Variants in MYO19 observed in about 807,000 individuals in gnomAD.
MYO19 encodes the protein unconventional myosin-XIX.
MYO19 carries 132 observed loss-of-function variants against 129.2 expected under a neutral mutation model. The ratio of observed to expected loss-of-function variants is 1.02; its 90% confidence interval spans 0.89 to 1.18. The LOEUF (loss-of-function observed/expected upper bound fraction) is 1.18, where lower values mean the gene tolerates loss of function less well. MYO19 is among the 50% of genes most tolerant of loss of function. The probability of loss-of-function intolerance (pLI) is 0.00; values close to 1 mark genes in which losing one functional copy is unlikely to be tolerated. For missense variants in MYO19, 1,210 were observed against 1,216.7 expected (o/e 0.99, Z 0.08); for synonymous variants, 531 against 477.2 (o/e 1.11, Z -1.47).
chr17:36,506,715 G>A, intron 17 of MYO19, 107 bp from the exon 18 acceptor site: 3 of 1,347,342 alleles, frequency 2.2e-6, no homozygotes, highest in Non-Finnish European at 2.0e-6. Context: ...GTAGGACAGG[G>A]CCTGAGTCCA....
At position 36,503,975 on chromosome 17, in the gene MYO19, TATGG is replaced by T. The variant is rs1335766404; in HGVS notation, c.1947_1950del (p.His650SerfsTer16). 6.3e-7 allele frequency: 1 copy of T among 1,592,640 alleles called. No homozygotes were observed. Among genetic ancestry groups the T allele is most frequent in the Non-Finnish European group, 8.5e-7 (1 of 1,170,846 alleles). On this transcript the variant is annotated frameshift_variant, in exon 20 of 26. Coordinates refer to ENST00000614623, the MANE Select transcript of MYO19 (RefSeq NM_001163735.2). LOFTEE classifies it high-confidence loss of function. ...CGGATGGGGAAGCCAGCAGCACTGATATGGATGGTCTCCACGAGGCCACAGGCCT... is the reference window on the plus strand; with the variant it reads ...CGGATGGGGAAGCCAGCAGCACTGATATGGTCTCCACGAGGCCACAGGCCT...
At chr17:36,499,859 G>GTTTTTTT (rs1173634479) in intron 23 of MYO19, 1 of 115,620 alleles carries the variant, frequency 8.6e-6, no homozygotes, top group African/African-American at 2.8e-5. Context: ...ATTATGTTTT[G>GTTTTTTT]TTGTTTTTTT....
chr17:36,526,353 C>T (rs1157982802), intron 5 of MYO19, among the ~76,000 whole-genome samples: 1 of 152,142 alleles, frequency 6.6e-6, no homozygotes, highest in Non-Finnish European at 1.5e-5. Flanking sequence ...TTCCTGCTCT[C>T]ATCTACTCCC....
intron 2 of MYO19, chr17:36,533,334 C>A (rs1468672256): frequency 1.3e-5 from 2 of 152,224 alleles, no homozygotes; most frequent in African/African-American, 2.4e-5. Context: ...ATCAGGTGAA[C>A]GGTCCAGTGT....
At chr17:36,532,181 C>G (rs143592885) in intron 3 of MYO19, among the ~76,000 whole-genome samples, 4 of 152,194 alleles carry the variant, frequency 2.6e-5, no homozygotes, top group Non-Finnish European at 5.9e-5. Context: ...TAAGGCTTAG[C>G]TTCAAGGAAC....
rs779935312 is a variant in MYO19, at chr17:36,499,139, C to T, written c.2399G>A (p.Arg800Gln). The change falls in exon 24 of 26, where the codon CGG (arginine) becomes CAG (glutamine). Residue 800 changes from arginine to glutamine, a missense_variant. By Grantham distance (43) the Arg-to-Gln change is conservative (BLOSUM62 1). Coordinates refer to ENST00000614623, the MANE Select transcript of MYO19 (RefSeq NM_001163735.2). ...IQAAIRSWLTRKHIQRLHAAA... is the reference protein window; with the variant it reads ...IQAAIRSWLTQKHIQRLHAAA... ...TGCATGCAGCCTCTGGATGTGTTTC[C>T]GAGTTAACCAGGAACGAATGGCTAA... 23 of 1,608,068 alleles carry T rather than the reference C, an allele frequency of 1.4e-5. No individual in the cohort carries two copies. In the African/African-American group the frequency reaches 2.0e-4, roughly 14 times the overall value.
intron 6 of MYO19, among the ~76,000 whole-genome samples, chr17:36,523,990 T>C (rs1244630718): frequency 2.0e-5 from 3 of 152,218 alleles, no homozygotes; most frequent in Non-Finnish European, 4.4e-5. Flanking sequence ...TTACTATTTA[T>C]TAAAAATAAA....
Position 36,532,683 on chromosome 17 carries a change from T to C in MYO19, c.-143-2A>G. The C allele has an allele frequency of 1.0e-6, 1 of 964,070 alleles. No individual in the cohort carries two copies. The highest frequency in any genetic ancestry group is 1.6e-5 in the African/African-American group (1 of 61,522). 59.7% of individuals were successfully genotyped at this position (964,070 alleles called of 1,614,324 possible). ...ATCTCAGACAAGTCACTCCAGCGCCTGTGGCATGAGAGAGAAGACAAGGAC... is the reference window on the plus strand; with the variant it reads ...ATCTCAGACAAGTCACTCCAGCGCCCGTGGCATGAGAGAGAAGACAAGGAC... On this transcript the variant is annotated splice_acceptor_variant, in intron 2 of 25. Transcript: ENST00000614623. LOFTEE classifies it low-confidence loss of function (5UTR_SPLICE).
chr17:36,536,978 T>TA, upstream of MYO19: 2 of 852,292 alleles, frequency 2.3e-6, no homozygotes, highest in Non-Finnish European at 3.6e-6. Flanking sequence ...GTGAACTCAT[T>TA]AGGGCCCAAA....
At chr17:36,522,344 C>T (rs1208673322) in intron 6 of MYO19, among the ~76,000 whole-genome samples, 1 of 149,616 alleles carries the variant, frequency 6.7e-6, no homozygotes, top group East Asian at 2.0e-4. Context: ...TCCGTCTCTA[C>T]TAAAAATACA....
upstream of MYO19, chr17:36,538,402 T>G: frequency 6.2e-7 from 1 of 1,614,150 alleles, no homozygotes; most frequent in Non-Finnish European, 8.5e-7. Flanking sequence ...GCCGAAAGAA[T>G]GGAACCCAGT....
rs375750747 is a variant in MYO19 at position 36,527,704 on chromosome 17, G to A, written c.152-5C>T. 2 of 1,606,880 alleles carry A rather than the reference G, an allele frequency of 1.2e-6. No individual in the cohort carries two copies. The highest frequency in any genetic ancestry group is 2.7e-5 in the African/African-American group (2 of 74,682). ...GGGCCTGCAGGCACCTCAGGACTGA[G>A]GCAGAGATGCCTTTAGCAAACTCGG... On this transcript the variant is annotated splice_region_variant and splice_polypyrimidine_tract_variant and intron_variant, in intron 4 of 25. Coordinates refer to ENST00000614623, the MANE Select transcript of MYO19 (RefSeq NM_001163735.2).
upstream of MYO19, chr17:36,537,023 T>C (rs2074148538): frequency 7.4e-7 from 1 of 1,343,116 alleles, no homozygotes; most frequent in South Asian, 1.4e-5. Flanking sequence ...AGAGTAAAAT[T>C]AAGCCAGGTA....
At chr17:36,522,028 T>TCAAAAAAAAAAAAAAAAAAAAAAAAA in intron 6 of MYO19, among the ~76,000 whole-genome samples, 1 of 115,294 alleles carries the variant, frequency 8.7e-6, no homozygotes. Flanking sequence ...AGACTGTCTT[T>TCAAAAAAAAAAAAAAAAAAAAAAAAA]AAAAAAAAAA....
rs2072659204 is a variant in MYO19 at position 36,515,199 on chromosome 17, T to G, written c.548-17A>C. The G allele has an allele frequency of 6.2e-7, 1 of 1,609,272 alleles. No homozygotes were observed. ...ACGCATTCCCTACAGATCACACCTA[T>G]GTTTATTTCACTCCCCTGGGTTTGC... On this transcript the variant is annotated splice_polypyrimidine_tract_variant and intron_variant, in intron 7 of 25. Coordinates refer to ENST00000614623, the MANE Select transcript of MYO19 (RefSeq NM_001163735.2).
intron 14 of MYO19, 146 bp downstream of exon 14, chr17:36,508,916 C>T: frequency 1.5e-6 from 1 of 688,290 alleles, no homozygotes. Context: ...AGATCTCGCT[C>T]TATGCTGGCA....
intron 11 of MYO19, among the ~76,000 whole-genome samples, chr17:36,512,400 A>AG (rs1404939244): frequency 6.6e-6 from 1 of 151,454 alleles, no homozygotes; most frequent in East Asian, 1.9e-4. Flanking sequence ...AAAAAAAAAA[A>AG]AAAAAAAGAA....
At chr17:36,518,534 A>ATATATATATATATATGTATGTG (rs2072931148) in intron 6 of MYO19, among the ~76,000 whole-genome samples, 1 of 91,470 alleles carries the variant, frequency 1.1e-5, no homozygotes, top group Non-Finnish European at 2.3e-5. Context: ...AAAAATATAT[A>ATATATATATATATATGTATGTG]TATATATATA....
intron 6 of MYO19, among the ~76,000 whole-genome samples, chr17:36,519,095 C>A (rs2072987865): frequency 6.6e-6 from 1 of 152,150 alleles, no homozygotes; most frequent in African/African-American, 2.4e-5. Flanking sequence ...GGGTTTTCCC[C>A]ACATTTCCCA....
Sources: gnomAD v4.1 joint callset for allele counts (sites outside exome capture counted in the v4.1 genomes callset) on GRCh38, gnomAD v4.1.1 for gene constraint, MANE v1.5 for transcripts, NCBI Gene and HGNC (gene_info 2026-07-23, HGNC 2026-07-21) for gene names.